The following ZNF407 variants were observed in gnomAD, a reference collection of about 807,000 sequenced individuals.
ZNF407 encodes the protein zinc finger protein 407.
ZNF407 carries 17 observed loss-of-function variants against 131.2 expected under a neutral mutation model. That is an observed-to-expected ratio of 0.13 (90% CI 0.09 to 0.19). ZNF407 has a LOEUF of 0.19. Ranked by LOEUF, ZNF407 falls within the 10% of genes least tolerant of loss-of-function variation. ZNF407 has a pLI of 1.00. For synonymous variants in ZNF407, 1,156 were observed against 1,062.0 expected, an observed-to-expected ratio of 1.09 and a Z score of -1.72; for missense variants, 2,681 against 2,830.6, an observed-to-expected ratio of 0.95 and a Z score of 1.20.
intron 3 of ZNF407, among the ~76,000 whole-genome samples, chr18:74,725,984 G>A (rs184745213): frequency 6.6e-6 from 1 of 152,184 alleles, no homozygotes; most frequent in African/African-American, 2.4e-5. Context: ...TGAGAGTTAG[G>A]GAGAATGGCA....
intron 8 of ZNF407, among the ~76,000 whole-genome samples, chr18:75,004,210 G>T (rs1972880428): frequency 6.6e-6 from 1 of 152,186 alleles, no homozygotes. Context: ...TTAAGTGGCA[G>T]TGAGAAAACA....
intron 8 of ZNF407, among the ~76,000 whole-genome samples, chr18:74,983,810 C>CT (rs1329590086): frequency 6.6e-6 from 1 of 152,120 alleles, no homozygotes; most frequent in Admixed American, 6.5e-5. Flanking sequence ...GCTGTGGAGC[C>CT]TAAGAGGAGA....
At chr18:74,746,169 C>T (rs899789746) in intron 3 of ZNF407, among the ~76,000 whole-genome samples, 5 of 152,060 alleles carry the variant, frequency 3.3e-5, no homozygotes, top group Non-Finnish European at 7.4e-5. Context: ...TAGAATGGTA[C>T]AGTAAGAGTA....
intron 3 of ZNF407, among the ~76,000 whole-genome samples, chr18:74,716,381 C>T (rs767004618): frequency 3.7e-4 from 56 of 152,162 alleles, no homozygotes; most frequent in Non-Finnish European, 7.1e-4. Flanking sequence ...TCACAGCAGA[C>T]ATTTTGTGTG....
intron 8 of ZNF407, among the ~76,000 whole-genome samples, chr18:74,962,690 C>A (rs1185969730): frequency 6.6e-6 from 1 of 152,232 alleles, no homozygotes; most frequent in Non-Finnish European, 1.5e-5. Context: ...TCTTCCCTCT[C>A]CTGGTGCTGG....
At chr18:74,686,403 A>G (rs1247739876) in intron 3 of ZNF407, among the ~76,000 whole-genome samples, 1 of 152,134 alleles carries the variant, frequency 6.6e-6, no homozygotes, top group East Asian at 1.9e-4. Context: ...TGAGGTTTTT[A>G]TCCATTCATG....
chr18:74,635,819 C>A lies in ZNF407; in HGVS notation c.4687+113C>A. 1 of 1,404,218 alleles carries A rather than the reference C, an allele frequency of 7.1e-7. No homozygotes were observed. Among genetic ancestry groups the A allele is most frequent in the Non-Finnish European group, 9.6e-7 (1 of 1,042,346 alleles). 87.0% of individuals were successfully genotyped at this position (1,404,218 alleles called of 1,614,324 possible). On this transcript the variant is annotated intron_variant, in intron 2 of 8. Coordinates refer to ENST00000299687, the MANE Select transcript of ZNF407 (RefSeq NM_017757.3). The surrounding 1 kb of genome is among the most constrained non-coding windows in gnomAD (Gnocchi z 4.7). ...TTGGCTTTCCACCCGGTTCACATTT[C>A]ACTGCCGTGTGCTGCTCTGCTTGTC...
chr18:74,653,448 T>C (rs560610271), intron 3 of ZNF407, among the ~76,000 whole-genome samples: 66 of 152,036 alleles, frequency 4.3e-4, no homozygotes, highest in African/African-American at 1.5e-3. Context: ...CTATGGTTTA[T>C]AAAATTATAA....
At position 74,643,140 on chromosome 18, in the gene ZNF407, A is replaced by G. The variant is rs532746625; in HGVS notation, c.4802+2018A>G. Among the ~76,000 whole-genome samples, 30 of 152,200 alleles carry G rather than the reference A, an allele frequency of 2.0e-4. No individual in the cohort carries two copies. In the South Asian group the frequency reaches 5.6e-3, roughly 28 times the overall value. ...GTGTGTAGGTTAAAAATTAAAGTAA[A>G]AAACATAAAAAAGTGCAAGGATTGG... On this transcript the variant is annotated intron_variant, in intron 3 of 8. Transcript: ENST00000299687.
At chr18:74,772,443 A>G (rs1040823958) in intron 3 of ZNF407, among the ~76,000 whole-genome samples, 2 of 152,180 alleles carry the variant, frequency 1.3e-5, no homozygotes, top group Non-Finnish European at 2.9e-5. Context: ...ATAAACACAC[A>G]TAGGATTTGT....
chr18:74,920,868 A>G, intron 8 of ZNF407, 176 bp downstream of exon 8: 1 of 1,264,810 alleles, frequency 7.9e-7, no homozygotes, highest in African/African-American at 1.5e-5. Context: ...AACTATGAAA[A>G]CAGGACTTTT....
intron 8 of ZNF407, among the ~76,000 whole-genome samples, chr18:74,946,940 A>G (rs917884508): frequency 6.6e-6 from 1 of 152,198 alleles, no homozygotes; most frequent in Non-Finnish European, 1.5e-5. Flanking sequence ...GGTTAATACT[A>G]TTAGAGTTCT....
intron 4 of ZNF407, among the ~76,000 whole-genome samples, chr18:74,806,892 T>G (rs1164417140): frequency 6.6e-6 from 1 of 152,270 alleles, no homozygotes; most frequent in African/African-American, 2.4e-5. Context: ...CACCTATGAT[T>G]AATTTAGCAA....
chr18:74,851,747 G>A (rs1209196198), intron 4 of ZNF407, among the ~76,000 whole-genome samples: 2 of 152,084 alleles, frequency 1.3e-5, no homozygotes, highest in Admixed American at 6.6e-5. Context: ...GAGAAAAATC[G>A]CCAGAGGCCA....
chr18:74,954,196 A>T (rs1414547594), intron 8 of ZNF407, among the ~76,000 whole-genome samples: 4 of 152,196 alleles, frequency 2.6e-5, no homozygotes, highest in Admixed American at 6.5e-5. Context: ...TTTTTTGATC[A>T]TTTGGCTCAC....
chr18:74,953,916 G>A (rs1260236544), intron 8 of ZNF407, among the ~76,000 whole-genome samples: 1 of 152,138 alleles, frequency 6.6e-6, no homozygotes, highest in African/African-American at 2.4e-5. Context: ...GACCCTAATG[G>A]GAGGCGAGAA....
intron 4 of ZNF407, among the ~76,000 whole-genome samples, chr18:74,834,739 C>G (rs1970532083): frequency 6.6e-6 from 1 of 152,194 alleles, no homozygotes; most frequent in African/African-American, 2.4e-5. Context: ...TTCGCAGACA[C>G]AGGGAAAACA....
intron 8 of ZNF407, among the ~76,000 whole-genome samples, chr18:74,949,294 G>A (rs541720318): frequency 4.6e-5 from 7 of 152,298 alleles, no homozygotes; most frequent in African/African-American, 1.7e-4. Flanking sequence ...CAGGCATTTT[G>A]CTCATGGTCA....
intron 3 of ZNF407, among the ~76,000 whole-genome samples, chr18:74,666,869 C>G (rs1443666481): frequency 6.6e-6 from 1 of 150,944 alleles, no homozygotes; most frequent in Non-Finnish European, 1.5e-5. Flanking sequence ...AACCCTGTTT[C>G]CCAACACACT....
Sources: allele counts gnomAD v4.1 joint callset (sites outside exome capture counted in the v4.1 genomes callset), GRCh38; gene constraint gnomAD v4.1.1; non-coding constraint Gnocchi (gnomAD v3.1); transcripts MANE v1.5; gene names NCBI Gene and HGNC (gene_info 2026-07-23, HGNC 2026-07-21).